Variants in WDR26 observed in about 807,000 individuals in gnomAD.
The protein encoded by WDR26 is WD repeat domain 26.
WDR26 carries 5 observed loss-of-function variants against 84.1 expected under a neutral mutation model. The ratio of observed to expected loss-of-function variants is 0.06; its 90% CI spans 0.03 to 0.13. WDR26 has a LOEUF of 0.13. WDR26 is among the 10% of genes least tolerant of loss of function. The pLI, the probability that WDR26 is intolerant of heterozygous loss-of-function variation, is 1.00. For missense variants in WDR26, 642 were observed against 974.9 expected, an observed-to-expected ratio of 0.66 and a Z score of 4.55; for synonymous variants, 415 against 389.6, an observed-to-expected ratio of 1.07 and a Z score of -0.77.
intron 3 of WDR26, chr1:224,430,312 T>C (rs1263671859): frequency 1.3e-5 from 2 of 152,132 alleles, no homozygotes; most frequent in Non-Finnish European, 2.9e-5. Context: ...TAGTCAACAG[T>C]AGTTTAAAAT....
chr1:224,389,045 G>A lies in WDR26; in HGVS notation c.*790C>T, dbSNP rs189645839. ...CCATGTCTCATGTGGTATTCCAGAA[G>A]AGCATCAGTTATACTGTGTATCTAA... On this transcript the variant is annotated 3_prime_UTR_variant, in exon 14 of 14. Coordinates refer to ENST00000414423, the MANE Select transcript of WDR26 (RefSeq NM_001379403.1). The A allele has an allele frequency of 3.6e-4, 55 of 152,716 alleles. No homozygotes were observed. The highest frequency in any genetic ancestry group is 1.1e-3 in the African/African-American group (45 of 41,538). 9.5% of individuals were successfully genotyped at this position (152,716 alleles called of 1,614,324 possible).
chr1:224,432,900 C>T (rs1290355668), intron 1 of WDR26, among the ~76,000 whole-genome samples: 1 of 152,148 alleles, frequency 6.6e-6, no homozygotes, highest in Non-Finnish European at 1.5e-5. Context: ...TGTCCAAGGT[C>T]GCTGTCTACC....
chr1:224,404,289 G>T, intron 8 of WDR26, 141 bp downstream of exon 8: 1 of 976,426 alleles, frequency 1.0e-6, no homozygotes, highest in Non-Finnish European at 1.4e-6. Context: ...GGAAACTTGG[G>T]TTCCACTTGA....
At position 224,406,663 on chromosome 1, in the gene WDR26, T is replaced by C. The variant is rs74146354; in HGVS notation, c.1459-2093A>G. On this transcript the variant is annotated intron_variant, in intron 7 of 13. Transcript: ENST00000414423. ...TTGGGAAGTGGGTAAGAGGTATTTG[T>C]ATTAGATCAGCAATATCATTAGGTC... Among the ~76,000 whole-genome samples, 1,286 of 152,314 alleles carry C rather than the reference T, an allele frequency of 8.4e-3. 24 individuals carry two copies. The highest frequency in any genetic ancestry group is 0.03 in the African/African-American group (1,244 of 41,566).
rs1211607297 is a variant in WDR26 at position 224,433,740 on chromosome 1, C to T, written c.666G>A (p.Gln222=). The T allele has an allele frequency of 7.2e-6, 11 of 1,536,138 alleles. No homozygotes were observed. The South Asian group carries it at 1.1e-4, about 15-fold the overall frequency. The stretch of plus-strand genomic sequence containing the variant: ...TTAGCCTAATGACATCCTCATCTGA[C>T]TGGGAGAGCCGCTTCTTCTTCTTGA... The change falls in exon 1 of 14, where the codon CAG becomes CAA. Residue 222 remains glutamine, a synonymous_variant. Coordinates refer to ENST00000414423, the MANE Select transcript of WDR26 (RefSeq NM_001379403.1).
intron 6 of WDR26, chr1:224,413,216 C>G (rs1413650982): frequency 2.1e-5 from 17 of 823,628 alleles, no homozygotes; most frequent in Admixed American, 1.4e-4. Context: ...AACCCCCCCC[C>G]CCAAAAAAAA....
In WDR26 at chr1:224,389,555, A is replaced by AG. The variant is rs924396112; in HGVS notation, c.*279dup. ...AGGAAGGAAAAAAATATATATACTG[A>AG]GTTCAATGGGTAAGCCTGAATGTAG... is the stretch of plus-strand genomic sequence containing the variant. On this transcript the variant is annotated 3_prime_UTR_variant, in exon 14 of 14. Coordinates refer to ENST00000414423, the MANE Select transcript of WDR26 (RefSeq NM_001379403.1). 1.9e-4 allele frequency: 105 copies of AG among 538,752 alleles called. No homozygotes were observed. Among genetic ancestry groups the AG allele is most frequent in the Non-Finnish European group, 3.2e-4 (101 of 311,244 alleles). 33.4% of individuals were successfully genotyped at this position (538,752 alleles called of 1,614,324 possible). A position where few individuals can be genotyped will look rare whatever the true frequency, so the allele number is the denominator to read the frequency against.
At chr1:224,426,931 C>T (rs1013398888) in intron 3 of WDR26, among the ~76,000 whole-genome samples, 3 of 149,750 alleles carry the variant, frequency 2.0e-5, no homozygotes, top group African/African-American at 4.9e-5. Flanking sequence ...CCCGTCTCTA[C>T]TAAAAAAAAA....
chr1:224,399,975 T>A (rs1307203001), intron 9 of WDR26, among the ~76,000 whole-genome samples: 1 of 151,936 alleles, frequency 6.6e-6, no homozygotes, highest in Non-Finnish European at 1.5e-5. Context: ...CCCTGTCTCT[T>A]AAAAAACAAC....
At chr1:224,407,173 A>ATATATATATATATATAT (rs1558426297) in intron 7 of WDR26, among the ~76,000 whole-genome samples, 1 of 81,486 alleles carries the variant, frequency 1.2e-5, no homozygotes, top group African/African-American at 5.1e-5. Flanking sequence ...TATATATATA[A>ATATATATATATATATAT]CTCAAAAACT....
At chr1:224,398,712 A>G in intron 10 of WDR26, 119 bp from the exon 11 acceptor site, 1 of 1,166,012 alleles carries the variant, frequency 8.6e-7, no homozygotes, top group Non-Finnish European at 1.2e-6. Context: ...ACTATTACAT[A>G]CTATACTTCA....
chr1:224,408,103 CA>C (rs933055983), intron 7 of WDR26, among the ~76,000 whole-genome samples: 4 of 152,196 alleles, frequency 2.6e-5, no homozygotes, highest in African/African-American at 9.6e-5. Context: ...AACTTCTTAG[CA>C]AAGAATACAA....
At chr1:224,411,659 T>C (rs1673739453) in intron 6 of WDR26, 94 bp from the exon 7 acceptor site, 1 of 1,321,168 alleles carries the variant, frequency 7.6e-7, no homozygotes, top group African/African-American at 1.5e-5. Flanking sequence ...TCTTTGAAGA[T>C]CACATCACTA....
Position 224,400,939 on chromosome 1 carries a change from T to C in WDR26, c.1719+11A>G. ...CCAACAGATACTGGGAAGGGGGCAC[T>C]GAATACTTACACACTGATAGAACTG... On this transcript the variant is annotated intron_variant, in intron 9 of 13. Transcript: ENST00000414423. The C allele has an allele frequency of 1.2e-6, 2 of 1,608,922 alleles. No homozygotes were observed. Among genetic ancestry groups the C allele is most frequent in the Non-Finnish European group, 8.5e-7 (1 of 1,178,530 alleles).
In WDR26 at chr1:224,411,332, C is replaced by T. The variant is rs1459608060; in HGVS notation, c.1458+95G>A. Reference sequence around the variant, plus strand: ...TAAAAAATGCTCTTAGAAAAGAATACTATTGATACATATATACTTAAAAAT... The same window carrying T: ...TAAAAAATGCTCTTAGAAAAGAATATTATTGATACATATATACTTAAAAAT... On this transcript the variant is annotated intron_variant, in intron 7 of 13. Transcript: ENST00000414423. The T allele has an allele frequency of 3.8e-6, 5 of 1,318,400 alleles. No homozygotes were observed. In the African/African-American group the frequency reaches 6.0e-5, roughly 16 times the overall value. 81.7% of individuals were successfully genotyped at this position (1,318,400 alleles called of 1,614,324 possible). A position where few individuals can be genotyped will look rare whatever the true frequency, so the allele number is the denominator to read the frequency against.
chr1:224,389,885 A>C, intron 13 of WDR26, 25 bp from the exon 14 acceptor site: 1 of 210,522 alleles, frequency 4.8e-6, no homozygotes. Flanking sequence ...GATGAAATGT[A>C]TGGGGGGCGG....
At chr1:224,409,481 G>T (rs1428473320) in intron 7 of WDR26, among the ~76,000 whole-genome samples, 2 of 152,202 alleles carry the variant, frequency 1.3e-5, no homozygotes, top group Non-Finnish European at 2.9e-5. Flanking sequence ...TTATGGTAAA[G>T]AATGTATCTT....
At position 224,387,843 on chromosome 1, in the gene WDR26, TAC is replaced by T. The variant is rs1371685453; in HGVS notation, c.*1990_*1991del. On this transcript the variant is annotated 3_prime_UTR_variant, in exon 14 of 14. Transcript: ENST00000414423. ...AAAGAGAAGTTGCCACTTAATTACA[TAC>T]AGTTACCAATGAAGATTTTTATTCA... 6 of 152,626 alleles carry T rather than the reference TAC, an allele frequency of 3.9e-5. 1 individual carries two copies. The highest frequency in any genetic ancestry group is 7.4e-5 in the Non-Finnish European group (5 of 68,026). 9.5% of individuals were successfully genotyped at this position (152,626 alleles called of 1,614,324 possible). A position where few individuals can be genotyped will look rare whatever the true frequency, so the allele number is the denominator to read the frequency against.
At chr1:224,424,470 T>TA in intron 4 of WDR26, 48 bp downstream of exon 4, 1 of 1,583,792 alleles carries the variant, frequency 6.3e-7, no homozygotes, top group Non-Finnish European at 8.6e-7. Flanking sequence ...TAAAGAAATA[T>TA]AACTTTGGCC....
Sources: gnomAD v4.1 joint callset for allele counts (sites outside exome capture counted in the v4.1 genomes callset) on GRCh38, gnomAD v4.1.1 for gene constraint, MANE v1.5 for transcripts, NCBI Gene and HGNC (gene_info 2026-07-23, HGNC 2026-07-21) for gene names.